AAGAB: variants seen among roughly 807,000 people sequenced by gnomAD.
The protein encoded by AAGAB is alpha- and gamma-adaptin-binding protein p34.
Under a neutral mutation model 44.1 loss-of-function variants are expected in AAGAB, and 38 were observed. That is an observed-to-expected ratio of 0.86 (90% confidence interval 0.67 to 1.13). AAGAB has a LOEUF of 1.13. AAGAB is among the 50% of genes most tolerant of loss of function. The pLI, the probability that AAGAB is intolerant of heterozygous loss-of-function variation, is 0.00. For synonymous variants in AAGAB, 131 were observed against 131.8 expected (o/e 0.99, Z 0.04); for missense variants, 450 against 373.8 (o/e 1.20, Z -1.68).
chr15:67,224,741 T>C (rs1964164404), intron 5 of AAGAB, among the ~76,000 whole-genome samples: 2 of 151,974 alleles, frequency 1.3e-5, no homozygotes, highest in South Asian at 4.2e-4. Context: ...CCACCACGCC[T>C]AGCTAACTTT....
chr15:67,253,846 G>C (rs981019821), intron 1 of AAGAB, among the ~76,000 whole-genome samples: 6 of 152,062 alleles, frequency 3.9e-5, no homozygotes, highest in Admixed American at 2.6e-4. Context: ...CTGATTCTAA[G>C]CCATACACTT....
intron 7 of AAGAB, among the ~76,000 whole-genome samples, chr15:67,204,918 T>C (rs142421651): frequency 5.9e-5 from 9 of 152,366 alleles, no homozygotes; most frequent in East Asian, 1.9e-4. Flanking sequence ...CTTGCATATA[T>C]TACCTTGTAT....
chr15:67,251,191 G>C (rs545166256), intron 1 of AAGAB, among the ~76,000 whole-genome samples: 6 of 152,020 alleles, frequency 3.9e-5, no homozygotes, highest in Middle Eastern at 6.8e-3. Context: ...CATAGTAGAG[G>C]CCTACTGATT....
chr15:67,202,746 A>G lies in AAGAB; in HGVS notation c.*75T>C. 1.3e-6 allele frequency: 2 copies of G among 1,515,020 alleles called. No individual in the cohort carries two copies. Among genetic ancestry groups the G allele is most frequent in the Non-Finnish European group, 1.8e-6 (2 of 1,091,752 alleles). 93.8% of individuals were successfully genotyped at this position (1,515,020 alleles called of 1,614,324 possible). On this transcript the variant is annotated 3_prime_UTR_variant, in exon 10 of 10. Transcript: ENST00000261880. ...ACATGATAAGGGCAATTTTGGCAAAATATGACTGGGCTGAGTAGAGAGGTA... is the reference window on the plus strand; with the variant it reads ...ACATGATAAGGGCAATTTTGGCAAAGTATGACTGGGCTGAGTAGAGAGGTA...
In AAGAB at chr15:67,254,278, C is replaced by A. The variant is rs1596028785; in HGVS notation, c.73+281G>T. 8 of 683,842 alleles carry A rather than the reference C, an allele frequency of 1.2e-5. No individual in the cohort carries two copies. The East Asian group carries it at 2.8e-4, about 24-fold the overall frequency. 42.4% of individuals were successfully genotyped at this position (683,842 alleles called of 1,614,324 possible). ...CGGAGAGCCTTCAGGTTCATCTCAA[C>A]GGATCCTCGCAAAAACCTGTGGCCT... On this transcript the variant is annotated intron_variant, in intron 1 of 9. Coordinates refer to ENST00000261880, the MANE Select transcript of AAGAB (RefSeq NM_024666.5).
chr15:67,211,993 C>T (rs1207560459), intron 5 of AAGAB, among the ~76,000 whole-genome samples: 1 of 152,114 alleles, frequency 6.6e-6, no homozygotes, highest in African/African-American at 2.4e-5. Flanking sequence ...CATTCTCCTG[C>T]CTCAGCCTCC....
intron 5 of AAGAB, among the ~76,000 whole-genome samples, chr15:67,219,056 T>C (rs1391771540): frequency 2.6e-5 from 4 of 152,212 alleles, no homozygotes; most frequent in African/African-American, 4.8e-5. Context: ...CCCTAGAAGT[T>C]TGACCATCAC....
chr15:67,245,326 G>T (rs1373881199), intron 1 of AAGAB, among the ~76,000 whole-genome samples: 2 of 152,198 alleles, frequency 1.3e-5, no homozygotes, highest in Non-Finnish European at 2.9e-5. Context: ...TGAAGTACAT[G>T]CTACAATATA....
chr15:67,240,023 C>A (rs1294107920), intron 1 of AAGAB, among the ~76,000 whole-genome samples: 1 of 152,132 alleles, frequency 6.6e-6, no homozygotes, highest in Non-Finnish European at 1.5e-5. Context: ...CCTACTACAC[C>A]GTGATGTTAC....
intron 5 of AAGAB, among the ~76,000 whole-genome samples, chr15:67,211,769 C>T (rs1321820687): frequency 6.6e-6 from 1 of 152,178 alleles, no homozygotes; most frequent in East Asian, 1.9e-4. Flanking sequence ...TATATTTTTC[C>T]TCTGTTAGGC....
intron 7 of AAGAB, 47 bp from the exon 8 acceptor site, chr15:67,204,195 TG>T: frequency 7.6e-7 from 1 of 1,322,630 alleles, no homozygotes; most frequent in Non-Finnish European, 1.1e-6. Flanking sequence ...TTTGCATATG[TG>T]CTACACTCAG....
chr15:67,222,240 G>GCACACACACACACACACACACACACA (rs1156310462), intron 5 of AAGAB, among the ~76,000 whole-genome samples: 1 of 88,194 alleles, frequency 1.1e-5, no homozygotes, highest in Non-Finnish European at 2.8e-5. Context: ...ACGCGCGCGC[G>GCACACACACACACACACACACACACA]CGCACACACA....
chr15:67,220,602 A>G (rs1567020214), intron 5 of AAGAB: 1 of 152,236 alleles, frequency 6.6e-6, no homozygotes, highest in Non-Finnish European at 1.5e-5. Context: ...AAATGCTTTC[A>G]TCAGGCTAAT....
At chr15:67,254,890 C>G (rs766986629), upstream of AAGAB, 2 of 1,613,590 alleles carry the variant, frequency 1.2e-6, no homozygotes, top group South Asian at 2.2e-5. Context: ...CGTTCCCTGA[C>G]CTAGCCATGG....
intron 1 of AAGAB, among the ~76,000 whole-genome samples, chr15:67,237,228 C>A (rs571376902): frequency 9.2e-5 from 14 of 152,120 alleles, no homozygotes; most frequent in African/African-American, 3.4e-4. Context: ...GTACTTATTG[C>A]AAACTAAAAG....
At chr15:67,235,871 C>T in intron 4 of AAGAB, 108 bp downstream of exon 4, 2 of 833,606 alleles carry the variant, frequency 2.4e-6, no homozygotes, top group Non-Finnish European at 3.8e-6. Context: ...ATCCTTGAAA[C>T]AGCTGGGGAA....
chr15:67,219,946 T>C (rs1964031853), intron 5 of AAGAB, among the ~76,000 whole-genome samples: 1 of 152,134 alleles, frequency 6.6e-6, no homozygotes, highest in South Asian at 2.1e-4. Flanking sequence ...AAATCTGATA[T>C]TAAGTAACAA....
At chr15:67,244,650 A>G (rs1964678693) in intron 1 of AAGAB, among the ~76,000 whole-genome samples, 2 of 151,994 alleles carry the variant, frequency 1.3e-5, no homozygotes, top group South Asian at 2.1e-4. Context: ...CAAAAATACA[A>G]AAAATTAGCT....
intron 4 of AAGAB, among the ~76,000 whole-genome samples, chr15:67,235,592 G>A (rs957900922): frequency 6.6e-6 from 1 of 152,116 alleles, no homozygotes; most frequent in African/African-American, 2.4e-5. Context: ...TGTCCCCTGC[G>A]ATTCTTGGGA....
Sources: allele counts gnomAD v4.1 joint callset (sites outside exome capture counted in the v4.1 genomes callset), GRCh38; gene constraint gnomAD v4.1.1; transcripts MANE v1.5; gene names NCBI Gene and HGNC (gene_info 2026-07-23, HGNC 2026-07-21).